Variants in SENP7 observed in about 807,000 individuals in gnomAD.
SENP7 encodes the protein SUMO specific peptidase 7, also known as sentrin-specific protease 7.
A neutral mutation model predicts 141.2 loss-of-function variants in SENP7; 64 were observed. That is an observed-to-expected ratio of 0.45 (90% CI 0.37 to 0.56). The LOEUF (loss-of-function observed/expected upper bound fraction) is 0.56, where lower values mean the gene tolerates loss of function less well. Among genes scored for constraint, SENP7 ranks in the 20% least tolerant of loss-of-function variants. The pLI is 0.00. For synonymous variants in SENP7, 382 were observed against 426.4 expected, an observed-to-expected ratio of 0.90 and a Z score of 1.28; for missense variants, 1,025 against 1,212.2, an observed-to-expected ratio of 0.85 and a Z score of 2.29.
chr3:101,385,192 T>C (rs1396105353), intron 6 of SENP7, among the ~76,000 whole-genome samples: 5 of 152,062 alleles, frequency 3.3e-5, no homozygotes, highest in Non-Finnish European at 7.4e-5. Flanking sequence ...TATGTGCCAC[T>C]TACTGAAGCA....
At chr3:101,423,605 A>G (rs1406005810) in intron 4 of SENP7, among the ~76,000 whole-genome samples, 1 of 152,226 alleles carries the variant, frequency 6.6e-6, no homozygotes, top group Non-Finnish European at 1.5e-5. Context: ...GACTAGACAC[A>G]GCCAAGTGGA....
chr3:101,407,449 T>C (rs2061336557), intron 5 of SENP7, among the ~76,000 whole-genome samples: 1 of 152,180 alleles, frequency 6.6e-6, no homozygotes, highest in African/African-American at 2.4e-5. Flanking sequence ...AATGGATATA[T>C]ACAGAACATT....
At chr3:101,438,728 G>A (rs948979844) in intron 4 of SENP7, among the ~76,000 whole-genome samples, 5 of 152,204 alleles carry the variant, frequency 3.3e-5, no homozygotes, top group African/African-American at 1.2e-4. Flanking sequence ...TGAGTAAATA[G>A]AAAACTTGAA....
chr3:101,433,327 GAAGGAAAAAAAA>G (rs759210739), intron 4 of SENP7, among the ~76,000 whole-genome samples: 28 of 126,782 alleles, frequency 2.2e-4, no homozygotes, highest in Non-Finnish European at 3.5e-4. Context: ...AGGAAGACAG[GAAGGAAAAAAAA>G]AAGGAAAAAA....
intron 1 of SENP7, among the ~76,000 whole-genome samples, chr3:101,512,024 G>C (rs2065881063): frequency 6.6e-6 from 1 of 152,138 alleles, no homozygotes; most frequent in Non-Finnish European, 1.5e-5. Flanking sequence ...GTTTCACAAT[G>C]TTAGCCAGGA....
chr3:101,393,827 T>G (rs548360676), intron 6 of SENP7, among the ~76,000 whole-genome samples: 25 of 152,292 alleles, frequency 1.6e-4, no homozygotes, highest in East Asian at 1.9e-4. Context: ...GCAAAAAGAC[T>G]AAATAGGACA....
At position 101,513,046 on chromosome 3, in the gene SENP7, C is replaced by G. The variant is rs774948474; in HGVS notation, c.40+45G>C. ...TGCCGCCTGCGCCTCCCGTTTCCCC[C>G]GGGTAGGAGACAATATGTTCAGCCC... On this transcript the variant is annotated intron_variant, in intron 1 of 23. Coordinates refer to ENST00000394095, the MANE Select transcript of SENP7 (RefSeq NM_020654.5). 2.1e-5 allele frequency: 33 copies of G among 1,604,188 alleles called. No homozygotes were observed. In the African/African-American group the frequency reaches 3.9e-4, roughly 19 times the overall value.
intron 6 of SENP7, among the ~76,000 whole-genome samples, chr3:101,389,785 C>A (rs1045096517): frequency 2.0e-5 from 3 of 151,950 alleles, no homozygotes; most frequent in Admixed American, 6.6e-5. Context: ...CAGAAAACCA[C>A]CAAACTGAAG....
At chr3:101,363,043 CCT>C (rs1228135669) in intron 10 of SENP7, 7 of 268,000 alleles carry the variant, frequency 2.6e-5, no homozygotes, top group South Asian at 1.4e-4. Flanking sequence ...TACTCACTCC[CCT>C]CTTACCTCTC....
At chr3:101,447,502 G>C (rs1039996625) in intron 4 of SENP7, among the ~76,000 whole-genome samples, 1 of 151,774 alleles carries the variant, frequency 6.6e-6, no homozygotes, top group Non-Finnish European at 1.5e-5. Context: ...AATAGCTTCA[G>C]AAATAAGAAA....
chr3:101,359,291 A>T (rs1310783921), intron 11 of SENP7: 2 of 151,896 alleles, frequency 1.3e-5, no homozygotes, highest in African/African-American at 4.8e-5. Context: ...TGATTTTTGT[A>T]CACTGATTTT....
chr3:101,496,503 A>G (rs942341599), intron 2 of SENP7, among the ~76,000 whole-genome samples: 2 of 151,328 alleles, frequency 1.3e-5, no homozygotes, highest in African/African-American at 4.9e-5. Context: ...GGCTCAAGCA[A>G]TCCTCCCATC....
intron 5 of SENP7, among the ~76,000 whole-genome samples, chr3:101,409,461 A>G (rs2061394466): frequency 6.6e-6 from 1 of 152,202 alleles, no homozygotes; most frequent in African/African-American, 2.4e-5. Context: ...AATGAAATCA[A>G]AAAAGTGCCT....
intron 4 of SENP7, among the ~76,000 whole-genome samples, chr3:101,444,783 C>G (rs1198822825): frequency 6.6e-6 from 1 of 151,638 alleles, no homozygotes; most frequent in South Asian, 2.1e-4. Context: ...GGGAGATATA[C>G]CTAATGCTAG....
At chr3:101,454,891 G>A (rs146870059) in intron 4 of SENP7, among the ~76,000 whole-genome samples, 83 of 152,200 alleles carry the variant, frequency 5.5e-4, no homozygotes, top group African/African-American at 1.9e-3. Context: ...AGCATGATGG[G>A]ATGTTCTAAA....
At chr3:101,380,488 C>A (rs2060472280) in intron 6 of SENP7, among the ~76,000 whole-genome samples, 1 of 131,966 alleles carries the variant, frequency 7.6e-6, no homozygotes, top group Admixed American at 7.9e-5. Context: ...TTTTAAAATA[C>A]AAGAATGGGT....
In SENP7 at chr3:101,372,011, C is replaced by T. The variant is rs990070292; in HGVS notation, c.793G>A (p.Glu265Lys). 1.4e-6 allele frequency: 2 copies of T among 1,462,824 alleles called. No individual in the cohort carries two copies. Among genetic ancestry groups the T allele is most frequent in the Admixed American group, 1.8e-5 (1 of 55,456 alleles). 90.6% of individuals were successfully genotyped at this position (1,462,824 alleles called of 1,614,324 possible). ...CAGTTTTCTAAGGTTCACAAACCTT[C>T]AGGCTGAGTATCAGATATTAAAAGA... ...ISLLISDTQPEDLNSGSRGCD... is the reference protein window; with the variant it reads ...ISLLISDTQPKDLNSGSRGCD... The change falls in exon 7 of 24, where the codon GAA (glutamate) becomes AAA (lysine). Residue 265 changes from glutamate (E) to lysine (K), a missense_variant. By Grantham distance (56) the Glu-to-Lys change is moderately conservative. Transcript: ENST00000394095.
chr3:101,407,432 T>C (rs2061336096), intron 5 of SENP7, among the ~76,000 whole-genome samples: 2 of 152,098 alleles, frequency 1.3e-5, no homozygotes, highest in African/African-American at 4.8e-5. Flanking sequence ...CTGGAACAAA[T>C]GGACTTAATG....
intron 11 of SENP7, chr3:101,357,593 A>C (rs2059778934): frequency 6.1e-6 from 7 of 1,147,080 alleles, no homozygotes. Context: ...GTTTAAAAAA[A>C]GCTGTAAAAG....
Sources: allele counts gnomAD v4.1 joint callset (sites outside exome capture counted in the v4.1 genomes callset), GRCh38; gene constraint gnomAD v4.1.1; transcripts MANE v1.5; gene names NCBI Gene and HGNC (gene_info 2026-07-23, HGNC 2026-07-21).